The following TTC27 variants were observed in gnomAD, a reference collection of about 807,000 sequenced individuals.
The protein encoded by TTC27 is tetratricopeptide repeat protein 27.
In TTC27, 79 loss-of-function variants were observed where a neutral mutation model predicts 115.9. The observed-to-expected ratio is 0.68, with a 90% CI of 0.57 to 0.82. The LOEUF (loss-of-function observed/expected upper bound fraction) is 0.82. Ranked by LOEUF, TTC27 falls within the 40% of genes least tolerant of loss-of-function variation. The pLI is 0.00. For synonymous variants in TTC27, 401 were observed against 356.0 expected, an observed-to-expected ratio of 1.13 and a Z score of -1.42; for missense variants, 1,054 against 993.1, an observed-to-expected ratio of 1.06 and a Z score of -0.82.
At chr2:32,801,117 C>T (rs1008621926) in intron 16 of TTC27, among the ~76,000 whole-genome samples, 1 of 152,136 alleles carries the variant, frequency 6.6e-6, no homozygotes, top group African/African-American at 2.4e-5. Flanking sequence ...AAAATGATTT[C>T]CAGAAGCCAG....
Position 32,630,614 on chromosome 2 carries a change from A to C in TTC27, c.180A>C (p.Thr60=), listed in dbSNP as rs764693484. 2.0e-5 allele frequency: 33 copies of C among 1,613,786 alleles called. No individual in the cohort carries two copies. The highest frequency in any genetic ancestry group is 2.6e-5 in the Non-Finnish European group (31 of 1,179,910). Residue 60 remains threonine, a synonymous_variant, in exon 2 of 20, where the codon ACA becomes ACC. Coordinates refer to ENST00000317907, the MANE Select transcript of TTC27 (RefSeq NM_017735.5). ...CTCAAAATATTTTTAATTCAACAAC[A>C]ACCGCTGAAGAAAAGATTGATAGCT... ...SMTQNIFNST[T]TAEEKIDSYL... is the part of the protein sequence containing the mutation.
chr2:32,631,577 G>A (rs537412812), intron 2 of TTC27, among the ~76,000 whole-genome samples: 44 of 152,118 alleles, frequency 2.9e-4, no homozygotes, highest in African/African-American at 8.4e-4. Flanking sequence ...TCTATCTTTC[G>A]TCTACTATCT....
chr2:32,791,237 C>T (rs1670524193), intron 16 of TTC27, among the ~76,000 whole-genome samples: 1 of 152,090 alleles, frequency 6.6e-6, no homozygotes. Flanking sequence ...TACTTCTTTC[C>T]CCAAGGTAAA....
At chr2:32,767,355 T>C (rs1483652794) in intron 13 of TTC27, among the ~76,000 whole-genome samples, 1 of 151,956 alleles carries the variant, frequency 6.6e-6, no homozygotes, top group African/African-American at 2.4e-5. Context: ...AGAGACAGCA[T>C]ATTTGATATA....
intron 4 of TTC27, among the ~76,000 whole-genome samples, chr2:32,641,030 AG>A (rs1351922354): frequency 3.3e-5 from 5 of 152,118 alleles, no homozygotes; most frequent in Non-Finnish European, 7.4e-5. Context: ...AAACAAAAAA[AG>A]ATATACCTCA....
intron 13 of TTC27, among the ~76,000 whole-genome samples, chr2:32,760,561 G>C (rs1669400417): frequency 6.6e-6 from 1 of 152,102 alleles, no homozygotes; most frequent in Non-Finnish European, 1.5e-5. Context: ...CCTCTAACTT[G>C]ATTATCACTC....
chr2:32,681,965 T>C lies in TTC27; in HGVS notation c.1119+3043T>C, dbSNP rs1159420512. On this transcript the variant is annotated intron_variant, in intron 9 of 19. Transcript: ENST00000317907. Reference sequence around the variant, plus strand: ...TTTTGGCTTATATTATAATTATTTATATATATGTATATATATGTGTGTGTG... The same window carrying C: ...TTTTGGCTTATATTATAATTATTTACATATATGTATATATATGTGTGTGTG... Among the ~76,000 whole-genome samples the C allele has an allele frequency of 2.3e-5, 3 of 130,652 alleles. No individual in the cohort carries two copies. In the East Asian group the frequency reaches 6.9e-4, roughly 30 times the overall value. The allele number at this position is 130,652 out of a possible 152,430, so 85.7% of individuals were successfully genotyped here.
intron 8 of TTC27, among the ~76,000 whole-genome samples, chr2:32,677,466 T>C (rs1255594808): frequency 6.6e-6 from 1 of 152,124 alleles, no homozygotes; most frequent in African/African-American, 2.4e-5. Context: ...TTCTTTTTTT[T>C]TGAGATGGAG....
intron 2 of TTC27, among the ~76,000 whole-genome samples, chr2:32,631,897 G>A (rs956044297): frequency 1.3e-5 from 2 of 149,918 alleles, no homozygotes; most frequent in African/African-American, 4.9e-5. Flanking sequence ...TGCAACCTCC[G>A]CCTCCCAAGT....
chr2:32,758,346 TG>T lies in TTC27; in HGVS notation c.1508del (p.Cys503SerfsTer45), dbSNP rs1301945387. 1.2e-6 allele frequency: 2 copies of T among 1,614,228 alleles called. No homozygotes were observed. Among genetic ancestry groups the T allele is most frequent in the Non-Finnish European group, 1.7e-6 (2 of 1,180,042 alleles). On this transcript the variant is annotated frameshift_variant, in exon 13 of 20. Transcript: ENST00000317907. LOFTEE classifies it high-confidence loss of function. The stretch of plus-strand genomic sequence containing the variant: ...GAAAAAAGAAACGCCTAGTTTATAC[TG>T]CTTGCTTGGAGATGTCCTCGGAGAC... ...LEKKETPSLY[C>X]LLGDVLGDHS...
At chr2:32,668,205 A>G (rs1201655441) in intron 7 of TTC27, among the ~76,000 whole-genome samples, 1 of 151,580 alleles carries the variant, frequency 6.6e-6, no homozygotes, top group Non-Finnish European at 1.5e-5. Flanking sequence ...AAAAGAAAAT[A>G]AACAAAAAAA....
At chr2:32,704,134 C>T (rs77129090) in intron 10 of TTC27, among the ~76,000 whole-genome samples, 212 of 152,254 alleles carry the variant, frequency 1.4e-3, no homozygotes, top group African/African-American at 4.9e-3. Context: ...TAAGTTTCAA[C>T]ATATATATTT....
At chr2:32,753,892 G>T (rs1226917628) in intron 12 of TTC27, among the ~76,000 whole-genome samples, 2 of 151,944 alleles carry the variant, frequency 1.3e-5, no homozygotes, top group Non-Finnish European at 2.9e-5. Context: ...TGGCCAACAT[G>T]GTGAAACTCC....
intron 5 of TTC27, among the ~76,000 whole-genome samples, chr2:32,653,867 T>G (rs1665224142): frequency 6.6e-6 from 1 of 152,196 alleles, no homozygotes; most frequent in African/African-American, 2.4e-5. Context: ...GAGAACCTCC[T>G]GATTTATTAA....
intron 8 of TTC27, among the ~76,000 whole-genome samples, chr2:32,675,484 T>C (rs1233968405): frequency 6.6e-6 from 1 of 152,120 alleles, no homozygotes; most frequent in Non-Finnish European, 1.5e-5. Flanking sequence ...TTTCAATATA[T>C]AGAGCAGATA....
At chr2:32,775,729 A>G (rs1305178538) in intron 13 of TTC27, among the ~76,000 whole-genome samples, 3 of 152,202 alleles carry the variant, frequency 2.0e-5, no homozygotes, top group Non-Finnish European at 4.4e-5. Context: ...TATAGAAAAA[A>G]AAATGTTGCC....
chr2:32,807,417 T>C (rs1671167591), intron 16 of TTC27, among the ~76,000 whole-genome samples: 1 of 152,188 alleles, frequency 6.6e-6, no homozygotes, highest in Non-Finnish European at 1.5e-5. Context: ...AGTTACTATA[T>C]TGCTGTTATT....
intron 10 of TTC27, among the ~76,000 whole-genome samples, chr2:32,723,515 A>G (rs991171810): frequency 6.6e-6 from 1 of 152,154 alleles, no homozygotes; most frequent in Non-Finnish European, 1.5e-5. Context: ...GTATACACCA[A>G]GCTCTGGGGT....
At chr2:32,695,244 GTT>G (rs1666944443) in intron 9 of TTC27, among the ~76,000 whole-genome samples, 1 of 151,924 alleles carries the variant, frequency 6.6e-6, no homozygotes, top group Non-Finnish European at 1.5e-5. Flanking sequence ...AGCCCTATGA[GTT>G]TGACTACTCT....
Sources: gnomAD v4.1 joint callset for allele counts (sites outside exome capture counted in the v4.1 genomes callset) on GRCh38, gnomAD v4.1.1 for gene constraint, MANE v1.5 for transcripts, NCBI Gene and HGNC (gene_info 2026-07-23, HGNC 2026-07-21) for gene names.